Variants in TTC17 observed in about 807,000 individuals in gnomAD.
TTC17 encodes tetratricopeptide repeat protein 17.
A neutral mutation model predicts 143.8 loss-of-function variants in TTC17; 58 were observed. The ratio of observed to expected loss-of-function variants is 0.40; its 90% CI spans 0.33 to 0.50. TTC17 has a LOEUF of 0.50. Ranked by LOEUF, TTC17 falls within the 20% of genes least tolerant of loss-of-function variation. The pLI, the probability that TTC17 is intolerant of heterozygous loss-of-function variation, is 0.49. For missense variants in TTC17, 1,273 were observed against 1,392.5 expected (o/e 0.91, Z 1.37); for synonymous variants, 501 against 497.8 (o/e 1.01, Z -0.09).
chr11:43,469,992 G>T (rs1172002796), intron 21 of TTC17, among the ~76,000 whole-genome samples: 1 of 152,106 alleles, frequency 6.6e-6, no homozygotes, highest in East Asian at 1.9e-4. Flanking sequence ...GCCACAGAAA[G>T]GGTAAATGTT....
chr11:43,468,546 A>G (rs1334340394), intron 21 of TTC17, among the ~76,000 whole-genome samples: 1 of 152,234 alleles, frequency 6.6e-6, no homozygotes, highest in Non-Finnish European at 1.5e-5. Context: ...ACCAGAGCAA[A>G]ACATAAGATG....
intron 16 of TTC17, among the ~76,000 whole-genome samples, chr11:43,425,699 T>C (rs182411409): frequency 1.3e-5 from 2 of 152,340 alleles, no homozygotes; most frequent in East Asian, 3.8e-4. Context: ...TTTTCTTTCA[T>C]TGTTAGTATT....
intron 16 of TTC17, among the ~76,000 whole-genome samples, chr11:43,425,126 GA>G (rs1321791375): frequency 5.3e-5 from 8 of 152,064 alleles, no homozygotes; most frequent in African/African-American, 1.9e-4. Context: ...TGCCATCTTA[GA>G]TAGCAAGCAT....
intron 12 of TTC17, 29 bp from the exon 13 acceptor site, chr11:43,405,757 A>T: frequency 1.2e-6 from 2 of 1,612,772 alleles, no homozygotes; most frequent in South Asian, 2.2e-5. Context: ...CTTTGAAAAT[A>T]TGAATCTTGT....
intron 1 of TTC17, among the ~76,000 whole-genome samples, chr11:43,370,701 CAAG>C (rs1430969272): frequency 6.6e-6 from 1 of 151,428 alleles, no homozygotes; most frequent in African/African-American, 2.4e-5. Flanking sequence ...AAAACACAAA[CAAG>C]AAGAGAATAA....
At chr11:43,428,065 A>G (rs2065066341) in intron 16 of TTC17, among the ~76,000 whole-genome samples, 1 of 152,154 alleles carries the variant, frequency 6.6e-6, no homozygotes, top group Non-Finnish European at 1.5e-5. Context: ...GAGGGGGAAG[A>G]AAAATGGAAT....
chr11:43,462,000 A>T (rs1412192487), intron 21 of TTC17, among the ~76,000 whole-genome samples: 5 of 152,168 alleles, frequency 3.3e-5, no homozygotes, highest in South Asian at 2.1e-4. Context: ...AGTAGAGCAC[A>T]AATAGTACAA....
intron 15 of TTC17, among the ~76,000 whole-genome samples, chr11:43,412,744 A>G (rs771342966): frequency 4.6e-5 from 7 of 152,160 alleles, no homozygotes; most frequent in Non-Finnish European, 8.8e-5. Context: ...ATGTTAAAAA[A>G]TCTGAAATCC....
At chr11:43,443,247 A>G (rs1328616426) in intron 16 of TTC17, 78 bp from the exon 17 acceptor site, 4 of 1,540,482 alleles carry the variant, frequency 2.6e-6, no homozygotes, top group Admixed American at 3.9e-5. Flanking sequence ...CGTTTCTCCA[A>G]AAGCAGGGTT....
intron 1 of TTC17, among the ~76,000 whole-genome samples, chr11:43,359,451 T>C (rs1201536357): frequency 6.6e-6 from 1 of 152,200 alleles, no homozygotes; most frequent in African/African-American, 2.4e-5. Flanking sequence ...GATTCCTGCC[T>C]TTGGTGCCTC....
At chr11:43,407,598 A>G in intron 15 of TTC17, 21 bp downstream of exon 15, 6 of 1,601,124 alleles carry the variant, frequency 3.7e-6, no homozygotes, top group Non-Finnish European at 4.3e-6. Context: ...AAGGGATTTC[A>G]TAGTTCCGTA....
chr11:43,404,570 T>TA (rs1354500498), intron 11 of TTC17, among the ~76,000 whole-genome samples: 1 of 152,212 alleles, frequency 6.6e-6, no homozygotes, highest in Non-Finnish European at 1.5e-5. Context: ...TGGTAGATGA[T>TA]ACAGACAATA....
intron 1 of TTC17, among the ~76,000 whole-genome samples, chr11:43,367,760 C>T (rs984575710): frequency 2.0e-5 from 3 of 151,354 alleles, no homozygotes; most frequent in Non-Finnish European, 4.4e-5. Flanking sequence ...CTTTTACAGA[C>T]AGACACCCTA....
chr11:43,465,502 A>C (rs1385931439), intron 21 of TTC17, among the ~76,000 whole-genome samples: 2 of 152,174 alleles, frequency 1.3e-5, no homozygotes, highest in Non-Finnish European at 2.9e-5. Flanking sequence ...CCCCCCAGAT[A>C]ATTGGAACTT....
intron 5 of TTC17, 125 bp downstream of exon 5, chr11:43,392,077 C>T (rs1857411911): frequency 3.5e-6 from 4 of 1,143,954 alleles, no homozygotes; most frequent in Non-Finnish European, 4.8e-6. Flanking sequence ...TTTAAAATTA[C>T]ACTTACATTG....
rs1404603794 is a variant in TTC17, at chr11:43,448,019, C to G, written c.2683C>G (p.Gln895Glu). 4.3e-6 allele frequency: 7 copies of G among 1,613,690 alleles called. No homozygotes were observed. Among genetic ancestry groups the G allele is most frequent in the Non-Finnish European group, 5.9e-6 (7 of 1,179,850 alleles). The change falls in exon 19 of 24, where the codon CAG becomes GAG. Residue 895 changes from glutamine to glutamate, a missense_variant. Transcript: ENST00000039989. ...CCTTCCAGGAAAAAAACGTGACTAC[C>G]AGCGTCTGGGATGGCCCAGCCCGGA... ...PGPQGKKRDYQRLGWPSPDEC... is the reference protein window; with the variant it reads ...PGPQGKKRDYERLGWPSPDEC...
intron 16 of TTC17, among the ~76,000 whole-genome samples, chr11:43,438,115 T>A (rs1430958155): frequency 1.3e-5 from 2 of 152,242 alleles, no homozygotes; most frequent in Non-Finnish European, 2.9e-5. Context: ...ATCACTGCCT[T>A]TTAAAGAGAA....
chr11:43,384,422 G>A (rs551045050), intron 2 of TTC17, among the ~76,000 whole-genome samples: 8 of 152,294 alleles, frequency 5.3e-5, no homozygotes, highest in South Asian at 2.1e-4. Flanking sequence ...CTGGGGGGTC[G>A]AGGCGGGCAG....
intron 2 of TTC17, among the ~76,000 whole-genome samples, chr11:43,381,062 A>G (rs1375680618): frequency 6.6e-6 from 1 of 152,292 alleles, no homozygotes; most frequent in African/African-American, 2.4e-5. Flanking sequence ...AGAGATTTAA[A>G]TTGGAGGATA....
Sources: gnomAD v4.1 joint callset for allele counts (sites outside exome capture counted in the v4.1 genomes callset) on GRCh38, gnomAD v4.1.1 for gene constraint, MANE v1.5 for transcripts, NCBI Gene and HGNC (gene_info 2026-07-23, HGNC 2026-07-21) for gene names.